The following CES5A variants were observed in gnomAD, a reference collection of about 807,000 sequenced individuals.
The protein encoded by CES5A is carboxylesterase 5A.
CES5A carries 67 observed loss-of-function variants against 62.9 expected under a neutral mutation model. The ratio of observed to expected loss-of-function variants is 1.07; its 90% confidence interval spans 0.88 to 1.31. The LOEUF is 1.31. CES5A is among the 50% of genes most tolerant of loss of function. The probability of loss-of-function intolerance (pLI) is 0.00; values close to 1 mark genes in which losing one functional copy is unlikely to be tolerated. For missense variants in CES5A, 748 were observed against 708.5 expected, an observed-to-expected ratio of 1.06 and a Z score of -0.63; for synonymous variants, 296 against 280.8, an observed-to-expected ratio of 1.05 and a Z score of -0.54.
chr16:55,922,693 T>C lies in CES5A; in HGVS notation c.-256+2630A>G, dbSNP rs2034218705. 2.0e-5 allele frequency among the ~76,000 whole-genome samples: 3 copies of C among 151,926 alleles called. No homozygotes were observed. The South Asian group carries it at 6.2e-4, about 31-fold the overall frequency. On this transcript the variant is annotated intron_variant, in intron 1 of 12. Coordinates refer to the CES5A transcript ENST00000518005. ...TAAACTACACACTACATAATAAGCC[T>C]AACTGACATTTATAAAACATTTCAC... is the stretch of plus-strand genomic sequence containing the variant.
At chr16:55,952,438 A>G (rs564509142) in intron 1 of CES5A, among the ~76,000 whole-genome samples, 2 of 152,218 alleles carry the variant, frequency 1.3e-5, no homozygotes, top group Admixed American at 1.3e-4. Context: ...AAAATTAACT[A>G]GAACACAAAA....
At chr16:55,951,481 T>A in intron 1 of CES5A, among the ~76,000 whole-genome samples, 1 of 151,992 alleles carries the variant, frequency 6.6e-6, no homozygotes, top group East Asian at 1.9e-4. Flanking sequence ...GAAGAAAAAA[T>A]GAAATGAGAA....
intron 4 of CES5A, among the ~76,000 whole-genome samples, chr16:55,867,989 T>C (rs1314391144): frequency 3.3e-5 from 5 of 152,168 alleles, no homozygotes; most frequent in African/African-American, 4.8e-5. Flanking sequence ...GCCTCCACTC[T>C]GCTCCAGAGT....
intron 1 of CES5A, among the ~76,000 whole-genome samples, chr16:55,898,185 T>C (rs2033953653): frequency 4.6e-5 from 7 of 152,172 alleles, no homozygotes; most frequent in Admixed American, 3.3e-4. Context: ...TGCTTTCCTA[T>C]ATGCATGCTA....
At chr16:55,851,772 T>C (rs146072862) in intron 10 of CES5A, among the ~76,000 whole-genome samples, 385 of 152,316 alleles carry the variant, frequency 2.5e-3, no homozygotes, top group South Asian at 0.023. Context: ...AATAGCTGAA[T>C]GGTGGAAACA....
At chr16:55,900,523 G>T (rs1175856626) in intron 1 of CES5A, among the ~76,000 whole-genome samples, 1 of 152,168 alleles carries the variant, frequency 6.6e-6, no homozygotes, top group African/African-American at 2.4e-5. Flanking sequence ...TAAAGCTTGT[G>T]CAGGGACCTG....
chr16:55,944,353 C>G (rs1233478572), intron 2 of CES5A: 27 of 471,876 alleles, frequency 5.7e-5, no homozygotes, highest in East Asian at 2.4e-4. Context: ...AGAATAAACT[C>G]TCTACCACCA....
upstream of CES5A, among the ~76,000 whole-genome samples, chr16:55,878,100 G>A (rs887110379): frequency 9.9e-5 from 15 of 152,138 alleles, no homozygotes; most frequent in Non-Finnish European, 1.5e-5. Flanking sequence ...CCTTTGATAG[G>A]CTCTCCCTGT....
At chr16:55,909,295 C>A (rs759080028) in intron 1 of CES5A, among the ~76,000 whole-genome samples, 33 of 152,302 alleles carry the variant, frequency 2.2e-4, no homozygotes, top group Admixed American at 9.1e-4. Context: ...CCTGCACCCT[C>A]TTTCCCACTG....
intron 1 of CES5A, among the ~76,000 whole-genome samples, chr16:55,924,356 T>C (rs2034238485): frequency 6.6e-6 from 1 of 151,786 alleles, no homozygotes; most frequent in Admixed American, 6.6e-5. Context: ...TAGTAATCAA[T>C]TTAACCAAAT....
chr16:55,918,956 A>G (rs1339718647), intron 1 of CES5A, among the ~76,000 whole-genome samples: 3 of 152,210 alleles, frequency 2.0e-5, no homozygotes, highest in Non-Finnish European at 2.9e-5. Flanking sequence ...GTGGGTCTTC[A>G]GAGTGTAATC....
At chr16:55,849,592 A>C in intron 11 of CES5A, 32 bp downstream of exon 11, 1 of 1,611,746 alleles carries the variant, frequency 6.2e-7, no homozygotes, top group Non-Finnish European at 8.5e-7. Flanking sequence ...AAGGGGCTTC[A>C]TGTGAACTGT....
intron 1 of CES5A, among the ~76,000 whole-genome samples, chr16:55,898,518 A>G (rs1479564683): frequency 9.9e-5 from 15 of 152,234 alleles, no homozygotes; most frequent in Admixed American, 9.8e-4. Context: ...GAAGACTCCA[A>G]GTGAAGTATA....
In CES5A at chr16:55,883,862, G is replaced by A. The variant is rs1275931983; in HGVS notation, c.-255-9825C>T. Among the ~76,000 whole-genome samples, 3 of 152,134 alleles carry A rather than the reference G, an allele frequency of 2.0e-5. No homozygotes were observed. The East Asian group carries it at 5.8e-4, about 29-fold the overall frequency. On this transcript the variant is annotated intron_variant, in intron 1 of 12. Transcript: ENST00000518005. ...GGCACTAGAGAAATGACCACTATTG[G>A]TGGGGTCTATTGACACAGTGAGCCC...
chr16:55,905,922 T>C (rs2034036736), intron 1 of CES5A, among the ~76,000 whole-genome samples: 1 of 152,192 alleles, frequency 6.6e-6, no homozygotes, highest in Non-Finnish European at 1.5e-5. Context: ...TTGGACACTT[T>C]AGACAAGCCA....
At chr16:55,853,131 G>A in intron 9 of CES5A, 103 bp from the exon 10 acceptor site, 1 of 1,205,704 alleles carries the variant, frequency 8.3e-7, no homozygotes, top group Non-Finnish European at 1.2e-6. Context: ...TACCCACATT[G>A]CTTCATTTAA....
chr16:55,910,882 A>G (rs2034086152), intron 1 of CES5A, among the ~76,000 whole-genome samples: 2 of 150,044 alleles, frequency 1.3e-5, no homozygotes, highest in African/African-American at 2.4e-5. Context: ...CAGCATGTGG[A>G]AGACTGGAGG....
intron 11 of CES5A, among the ~76,000 whole-genome samples, chr16:55,847,873 A>G (rs533277191): frequency 6.6e-6 from 1 of 152,316 alleles, no homozygotes; most frequent in Admixed American, 6.5e-5. Context: ...CACTAGAAGT[A>G]GAATTGCCAG....
chr16:55,864,727 T>A (rs2033421516), intron 5 of CES5A, among the ~76,000 whole-genome samples: 1 of 151,860 alleles, frequency 6.6e-6, no homozygotes, highest in South Asian at 2.1e-4. Context: ...AGACCCCATC[T>A]CTAAAAAAAT....
Sources: gnomAD v4.1 joint callset for allele counts (sites outside exome capture counted in the v4.1 genomes callset) on GRCh38, gnomAD v4.1.1 for gene constraint, MANE v1.5 for transcripts, NCBI Gene and HGNC (gene_info 2026-07-23, HGNC 2026-07-21) for gene names.